The following CNTNAP3B variants were observed in gnomAD, a reference collection of about 807,000 sequenced individuals.
CNTNAP3B encodes contactin associated protein family member 3B.
In CNTNAP3B, 25 loss-of-function variants were observed where a neutral mutation model predicts 108.9. The ratio of observed to expected loss-of-function variants is 0.23; its 90% confidence interval spans 0.17 to 0.32. CNTNAP3B has a LOEUF of 0.32. Among genes scored for constraint, CNTNAP3B ranks in the 10% least tolerant of loss-of-function variants. CNTNAP3B has a pLI of 1.00. For missense variants in CNTNAP3B, 252 were observed against 1,210.4 expected, an observed-to-expected ratio of 0.21 and a Z score of 11.75; for synonymous variants, 103 against 473.4, an observed-to-expected ratio of 0.22 and a Z score of 10.16.
chr9:41,943,439 G>T (rs1226008767), intron 13 of CNTNAP3B, among the ~76,000 whole-genome samples: 16 of 145,780 alleles, frequency 1.1e-4, no homozygotes, highest in African/African-American at 4.0e-4. Flanking sequence ...TGCAAGCTCC[G>T]CCTCCTGGGT....
chr9:42,029,530 T>A (rs1486777399), intron 3 of CNTNAP3B, among the ~76,000 whole-genome samples: 1 of 125,054 alleles, frequency 8.0e-6, no homozygotes, highest in Non-Finnish European at 1.6e-5. Flanking sequence ...CACATATACA[T>A]TCTTTTTTTT....
chr9:42,117,703 CA>C (rs776613935), intron 1 of CNTNAP3B, among the ~76,000 whole-genome samples: 1 of 134,434 alleles, frequency 7.4e-6, no homozygotes, highest in Non-Finnish European at 1.6e-5. Context: ...AATAGAGACA[CA>C]AAAAAACCCT....
At chr9:41,931,130 G>A (rs1387250381) in intron 14 of CNTNAP3B, among the ~76,000 whole-genome samples, 2 of 152,268 alleles carry the variant, frequency 1.3e-5, no homozygotes, top group African/African-American at 4.8e-5. Flanking sequence ...CACAATAATT[G>A]ATATTTCATC....
At chr9:42,075,324 C>T (rs1220242163) in intron 3 of CNTNAP3B, among the ~76,000 whole-genome samples, 1 of 143,072 alleles carries the variant, frequency 7.0e-6, no homozygotes, top group Admixed American at 6.9e-5. Flanking sequence ...CTTTGGGAAA[C>T]CACAAGTCAA....
At position 41,964,444 on chromosome 9, in the gene CNTNAP3B, C is replaced by T. The variant is rs1368680810; in HGVS notation, c.1756+94G>A. 2.2e-6 allele frequency: 3 copies of T among 1,378,914 alleles called. No homozygotes were observed. In the African/African-American group the frequency reaches 4.5e-5, roughly 21 times the overall value. The allele number at this position is 1,378,914 out of a possible 1,614,324, so 85.4% of individuals were successfully genotyped here. A position where few individuals can be genotyped will look rare whatever the true frequency, so the allele number is the denominator to read the frequency against. On this transcript the variant is annotated intron_variant, in intron 11 of 23. Transcript: ENST00000377561. The stretch of plus-strand genomic sequence containing the variant: ...TGAAATATCTCTTCTGATGTGTTTG[C>T]ATGATTGCAAATATGCAGATACATA...
rs1824098294 is a variant in CNTNAP3B, at chr9:41,934,618, C to T, written c.2237+3626G>A. On this transcript the variant is annotated intron_variant, in intron 14 of 23. Coordinates refer to ENST00000377561, the MANE Select transcript of CNTNAP3B (RefSeq NM_001201380.3). The stretch of plus-strand genomic sequence containing the variant: ...AGCATTAGATAGAGTTCAAGTTTAT[C>T]CCTAACAATGCTTTTCATCTTTGTC... 3.9e-5 allele frequency among the ~76,000 whole-genome samples: 6 copies of T among 152,286 alleles called. No homozygotes were observed. The South Asian group carries it at 1.2e-3, about 31-fold the overall frequency.
At chr9:41,928,609 C>T (rs1823886002) in intron 15 of CNTNAP3B, among the ~76,000 whole-genome samples, 1 of 152,300 alleles carries the variant, frequency 6.6e-6, no homozygotes, top group South Asian at 2.1e-4. Flanking sequence ...TTGAACCACC[C>T]CTCTCAGAAG....
intron 1 of CNTNAP3B, among the ~76,000 whole-genome samples, chr9:42,127,506 C>T (rs1357437601): frequency 7.2e-6 from 1 of 139,526 alleles, no homozygotes; most frequent in Admixed American, 7.1e-5. Flanking sequence ...CCTCTAGTGA[C>T]TTATTTTGTT....
At chr9:41,957,308 T>C (rs1824891480) in intron 12 of CNTNAP3B, among the ~76,000 whole-genome samples, 2 of 17,432 alleles carry the variant, frequency 1.1e-4, no homozygotes, top group Non-Finnish European at 2.1e-4. Context: ...TCTTCAAATA[T>C]GCTTCTGTTC....
At position 42,098,066 on chromosome 9, in the gene CNTNAP3B, A is replaced by G. The variant is rs1827946277; in HGVS notation, c.196+6563T>C. Among the ~76,000 whole-genome samples, 2 of 139,430 alleles carry G rather than the reference A, an allele frequency of 1.4e-5. 1 individual carries two copies. Among genetic ancestry groups the G allele is most frequent in the Admixed American group, 1.4e-4 (2 of 14,042 alleles). The allele number at this position is 139,430 out of a possible 152,430, so 91.5% of individuals were successfully genotyped here. A position where few individuals can be genotyped will look rare whatever the true frequency, so the allele number is the denominator to read the frequency against. ...ATATCTCTAAGATTTTTTTCCACAA[A>G]TAAACATTCATACATATTATTTTGT... On this transcript the variant is annotated intron_variant, in intron 2 of 23. Coordinates refer to ENST00000377561, the MANE Select transcript of CNTNAP3B (RefSeq NM_001201380.3).
intron 12 of CNTNAP3B, among the ~76,000 whole-genome samples, chr9:41,957,899 T>C (rs1824915917): frequency 6.6e-6 from 1 of 152,012 alleles, no homozygotes; most frequent in Non-Finnish European, 1.5e-5. Context: ...TAGCTGGGAC[T>C]ACAGGCACCC....
At chr9:42,075,393 A>ACTTC (rs1455593540) in intron 3 of CNTNAP3B, among the ~76,000 whole-genome samples, 1 of 139,938 alleles carries the variant, frequency 7.1e-6, no homozygotes, top group Non-Finnish European at 1.5e-5. Flanking sequence ...GGAAGCTCAC[A>ACTTC]CTGTGAGCGG....
chr9:41,938,839 T>C (rs559264394), intron 13 of CNTNAP3B, among the ~76,000 whole-genome samples: 83 of 152,400 alleles, frequency 5.4e-4, no homozygotes, highest in African/African-American at 2.0e-3. Context: ...TACCTGTATA[T>C]TACACATTTG....
intron 18 of CNTNAP3B, among the ~76,000 whole-genome samples, chr9:41,919,336 G>T (rs1823605501): frequency 6.6e-6 from 1 of 152,010 alleles, no homozygotes; most frequent in African/African-American, 2.4e-5. Flanking sequence ...GGCTGGTCTT[G>T]AATTCCTGAC....
intron 12 of CNTNAP3B, among the ~76,000 whole-genome samples, chr9:41,957,666 C>T (rs1428787730): frequency 2.0e-5 from 3 of 151,906 alleles, no homozygotes; most frequent in African/African-American, 7.3e-5. Context: ...CCCATTACAG[C>T]TTTTTCCATA....
chr9:42,051,818 C>A (rs1374168443), intron 3 of CNTNAP3B, among the ~76,000 whole-genome samples: 3 of 152,092 alleles, frequency 2.0e-5, no homozygotes, highest in African/African-American at 7.3e-5. Context: ...TTTTTGCAAA[C>A]TTCCTTACAA....
intron 1 of CNTNAP3B, among the ~76,000 whole-genome samples, chr9:42,108,388 T>C (rs1828124066): frequency 7.2e-6 from 1 of 138,702 alleles, no homozygotes; most frequent in South Asian, 2.3e-4. Context: ...ATATAAAATG[T>C]TTTATTCAGG....
chr9:42,089,395 T>C (rs1564193131), intron 2 of CNTNAP3B, among the ~76,000 whole-genome samples: 1 of 127,478 alleles, frequency 7.8e-6, no homozygotes, highest in Non-Finnish European at 1.6e-5. Context: ...TCACATCCTA[T>C]TCTGTTTTGG....
At chr9:41,933,896 A>T (rs1824056554) in intron 14 of CNTNAP3B, among the ~76,000 whole-genome samples, 1 of 152,200 alleles carries the variant, frequency 6.6e-6, no homozygotes, top group Non-Finnish European at 1.5e-5. Context: ...CCATTTACAA[A>T]ATTTTTTATA....
Sources: allele counts gnomAD v4.1 joint callset (sites outside exome capture counted in the v4.1 genomes callset), GRCh38; gene constraint gnomAD v4.1.1; transcripts MANE v1.5; gene names NCBI Gene and HGNC (gene_info 2026-07-23, HGNC 2026-07-21).